ANKS1B: variants seen among roughly 807,000 people sequenced by gnomAD.
ANKS1B encodes the protein ankyrin repeat and sterile alpha motif domain containing 1B.
ANKS1B carries 36 observed loss-of-function variants against 148.3 expected under a neutral mutation model. That is an observed-to-expected ratio of 0.24 (90% CI 0.19 to 0.32). The LOEUF is 0.32. Among genes scored for constraint, ANKS1B ranks in the 10% least tolerant of loss-of-function variants. The pLI, the probability that ANKS1B is intolerant of heterozygous loss-of-function variation, is 1.00. For synonymous variants in ANKS1B, 542 were observed against 560.8 expected (o/e 0.97, Z 0.47); for missense variants, 1,157 against 1,542.6 (o/e 0.75, Z 4.19).
intron 15 of ANKS1B, among the ~76,000 whole-genome samples, chr12:99,110,206 G>A (rs2153698176): frequency 1.3e-5 from 2 of 152,274 alleles, no homozygotes; most frequent in Middle Eastern, 6.8e-3. Context: ...TGCAAGTCAA[G>A]GTGTGAGTTC....
intron 22 of ANKS1B, among the ~76,000 whole-genome samples, chr12:98,791,843 G>C (rs1051410300): frequency 3.3e-5 from 5 of 152,296 alleles, no homozygotes; most frequent in Middle Eastern, 6.8e-3. Flanking sequence ...ATTTGTATGA[G>C]GACAGAGGAA....
intron 11 of ANKS1B, among the ~76,000 whole-genome samples, chr12:99,414,640 G>A (rs143300846): frequency 1.7e-3 from 263 of 152,234 alleles, no homozygotes; most frequent in African/African-American, 5.7e-3. Flanking sequence ...ATTAGAACAC[G>A]TGGACACAGG....
chr12:99,539,140 G>T (rs1434120287), intron 9 of ANKS1B, among the ~76,000 whole-genome samples: 1 of 152,052 alleles, frequency 6.6e-6, no homozygotes, highest in Non-Finnish European at 1.5e-5. Context: ...AGGCTTTCTG[G>T]CTGAAAAGAC....
intron 17 of ANKS1B, chr12:98,894,578 G>C: frequency 1.0e-6 from 1 of 985,300 alleles, no homozygotes; most frequent in South Asian, 4.7e-5. Context: ...TTGGAGCCAC[G>C]TCTCGGCGAG....
chr12:99,418,551 T>G (rs56300419), intron 11 of ANKS1B, among the ~76,000 whole-genome samples: 2 of 152,036 alleles, frequency 1.3e-5, no homozygotes, highest in African/African-American at 2.4e-5. Flanking sequence ...TTTTTTAGCT[T>G]GCTTCGGATT....
intron 1 of ANKS1B, among the ~76,000 whole-genome samples, chr12:99,970,294 A>G (rs1241709163): frequency 6.6e-6 from 1 of 152,192 alleles, no homozygotes; most frequent in East Asian, 1.9e-4. Context: ...ATGGAATACG[A>G]TGATGCCATT....
Position 99,646,652 on chromosome 12 carries a change from CAAAAAAAAAAAAA to C in ANKS1B, c.1272+8402_1272+8414del, listed in dbSNP as rs35481645. ...CGGGTGACAGAGTGAGACTCCATCT[CAAAAAAAAAAAAA>C]AAAAAAAAAAAAAAGACTCAACTAT... On this transcript the variant is annotated intron_variant, in intron 9 of 26. Transcript: ENST00000683438. Among the ~76,000 whole-genome samples the C allele has an allele frequency of 1.4e-4, 5 of 35,882 alleles. No individual in the cohort carries two copies. In the Admixed American group the frequency reaches 2.2e-3, roughly 15 times the overall value. The allele number at this position is 35,882 out of a possible 152,430, so 23.5% of individuals were successfully genotyped here. A position where few individuals can be genotyped will look rare whatever the true frequency, so the allele number is the denominator to read the frequency against.
In ANKS1B at chr12:99,806,583, G is replaced by A; in HGVS notation, c.490C>T (p.Pro164Ser). ...PTIRNSKLET[P>S]LDLAALYGRL... is the part of the protein sequence containing the mutation. ...CCGTAGAGTGCCGCCAAGTCCAAAGGTGTTTCCAGCTTGCTATTTCTAATT... is the reference window on the plus strand; with the variant it reads ...CCGTAGAGTGCCGCCAAGTCCAAAGATGTTTCCAGCTTGCTATTTCTAATT... Residue 164 changes from proline to serine, a missense_variant, in exon 4 of 27, where the codon CCT (proline) becomes TCT (serine). This residue lies in a region of ANKS1B where 164 missense variants were observed against 232.6 expected (regional missense o/e 0.71). Coordinates refer to ENST00000683438, the MANE Select transcript of ANKS1B (RefSeq NM_001352186.2). The A allele has an allele frequency of 6.2e-7, 1 of 1,613,946 alleles. No individual in the cohort carries two copies. Among genetic ancestry groups the A allele is most frequent in the Non-Finnish European group, 8.5e-7 (1 of 1,179,870 alleles).
At chr12:98,979,404 A>T (rs2099905311) in intron 17 of ANKS1B, among the ~76,000 whole-genome samples, 1 of 151,714 alleles carries the variant, frequency 6.6e-6, no homozygotes, top group South Asian at 2.1e-4. Flanking sequence ...AGAAGCTGGG[A>T]CTACAGGTGC....
chr12:98,886,959 CAAA>C (rs2099741538), intron 17 of ANKS1B, among the ~76,000 whole-genome samples: 1 of 151,808 alleles, frequency 6.6e-6, no homozygotes, highest in African/African-American at 2.4e-5. Flanking sequence ...AAAAAAGAAA[CAAA>C]AAGCAGTTGG....
intron 12 of ANKS1B, among the ~76,000 whole-genome samples, chr12:99,380,754 C>CTCCTTCCTTCCTTCCTTCCTTCCT (rs144164931): frequency 2.1e-4 from 28 of 132,828 alleles, no homozygotes; most frequent in African/African-American, 8.0e-4. Flanking sequence ...GTTTCCTTTC[C>CTCCTTCCTTCCTTCCTTCCTTCCT]TCCTTCCTTC....
chr12:99,396,096 G>C (rs533982910), intron 12 of ANKS1B, among the ~76,000 whole-genome samples: 17 of 152,104 alleles, frequency 1.1e-4, no homozygotes, highest in Non-Finnish European at 2.2e-4. Context: ...CAATAACTGT[G>C]ATAATATTAA....
chr12:99,077,255 G>T (rs901531560), intron 16 of ANKS1B, among the ~76,000 whole-genome samples: 22 of 152,186 alleles, frequency 1.4e-4, no homozygotes, highest in African/African-American at 5.1e-4. Flanking sequence ...ACGTATGTGG[G>T]TGTGAGATTC....
chr12:99,589,602 T>C (rs139404143), intron 9 of ANKS1B, among the ~76,000 whole-genome samples: 3,026 of 152,288 alleles, frequency 0.02, 34 homozygotes, highest in Non-Finnish European at 0.033. Context: ...TGGCAATCTA[T>C]ACAAAAGCCT....
Position 99,120,294 on chromosome 12 carries a change from T to C in ANKS1B, c.2526+33995A>G, listed in dbSNP as rs186449416. 1.7e-3 allele frequency among the ~76,000 whole-genome samples: 253 copies of C among 152,152 alleles called. 1 individual carries two copies. The highest frequency in any genetic ancestry group is 5.9e-3 in the African/African-American group (246 of 41,490). ...GACAGTGACCCGGGCTGGGAGTCAA[T>C]TTTTTTTCTTATCAACATCATAAGG... is the stretch of plus-strand genomic sequence containing the variant. On this transcript the variant is annotated intron_variant, in intron 15 of 26. Coordinates refer to ENST00000683438, the MANE Select transcript of ANKS1B (RefSeq NM_001352186.2).
chr12:98,848,866 G>A (rs1417172256), intron 17 of ANKS1B, among the ~76,000 whole-genome samples: 1 of 150,610 alleles, frequency 6.6e-6, no homozygotes, highest in East Asian at 2.0e-4. Context: ...AGCCTCCCAA[G>A]TAGCTGGGAT....
At chr12:99,475,809 T>C (rs1177463585) in intron 10 of ANKS1B, among the ~76,000 whole-genome samples, 1 of 151,880 alleles carries the variant, frequency 6.6e-6, no homozygotes, top group African/African-American at 2.4e-5. Context: ...TAAAAATATG[T>C]CCAAATATAT....
chr12:99,427,650 T>C (rs1271510678), intron 11 of ANKS1B, among the ~76,000 whole-genome samples: 1 of 152,230 alleles, frequency 6.6e-6, no homozygotes, highest in East Asian at 1.9e-4. Context: ...GAATAGAGGC[T>C]CCTTGAGGAC....
intron 8 of ANKS1B, among the ~76,000 whole-genome samples, chr12:99,667,198 G>A (rs2098512741): frequency 6.6e-6 from 1 of 151,646 alleles, no homozygotes; most frequent in African/African-American, 2.4e-5. Context: ...ATACAAAAAA[G>A]TTTAGCCAGG....
Sources: gnomAD v4.1 joint callset for allele counts (sites outside exome capture counted in the v4.1 genomes callset) on GRCh38, gnomAD v4.1.1 for gene constraint, gnomAD v4.1.1 regional missense constraint, MANE v1.5 for transcripts, NCBI Gene and HGNC (gene_info 2026-07-23, HGNC 2026-07-21) for gene names.